CCDC91: variants seen among roughly 807,000 people sequenced by gnomAD.
The protein encoded by CCDC91 is coiled-coil domain-containing protein 91.
CCDC91 carries 48 observed loss-of-function variants against 63.2 expected under a neutral mutation model. The ratio of observed to expected loss-of-function variants is 0.76; its 90% confidence interval spans 0.60 to 0.97. The LOEUF is 0.97. Among genes scored for constraint, CCDC91 ranks in the 50% least tolerant of loss-of-function variants. The pLI is 0.00. For synonymous variants in CCDC91, 167 were observed against 165.8 expected (o/e 1.01, Z -0.06); for missense variants, 500 against 494.6 (o/e 1.01, Z -0.10).
intron 8 of CCDC91, among the ~76,000 whole-genome samples, chr12:28,392,547 T>C (rs775493849): frequency 2.6e-5 from 4 of 152,214 alleles, no homozygotes; most frequent in Non-Finnish European, 5.9e-5. Context: ...TTTCAATTTA[T>C]ATCCACATGG....
intron 1 of CCDC91, among the ~76,000 whole-genome samples, chr12:28,217,787 C>T (rs895441449): frequency 6.6e-6 from 1 of 151,734 alleles, no homozygotes; most frequent in Non-Finnish European, 1.5e-5. Context: ...AGTTTGGATG[C>T]AGGGTGGTGG....
At chr12:28,236,919 A>C (rs1218357946) in intron 1 of CCDC91, 1 of 152,030 alleles carries the variant, frequency 6.6e-6, no homozygotes, top group Non-Finnish European at 1.5e-5. Flanking sequence ...AATTTGTTCA[A>C]ATCTCTATCT....
intron 3 of CCDC91, among the ~76,000 whole-genome samples, chr12:28,298,764 G>T (rs1447880364): frequency 7.2e-6 from 1 of 139,444 alleles, no homozygotes; most frequent in African/African-American, 2.6e-5. Context: ...AAAAAATTGT[G>T]TGTGCTTGTG....
At chr12:28,373,142 A>AT (rs1944726942) in intron 7 of CCDC91, among the ~76,000 whole-genome samples, 2 of 152,250 alleles carry the variant, frequency 1.3e-5, no homozygotes, top group Admixed American at 1.3e-4. Context: ...TTGTTCGTTG[A>AT]TTTTAGTACT....
intron 8 of CCDC91, among the ~76,000 whole-genome samples, chr12:28,435,284 A>G (rs1592666267): frequency 1.3e-5 from 2 of 151,682 alleles, no homozygotes; most frequent in South Asian, 2.1e-4. Context: ...AGTACCTCCC[A>G]CAAATTTTGA....
intron 3 of CCDC91, among the ~76,000 whole-genome samples, chr12:28,278,528 A>G (rs972399792): frequency 1.3e-5 from 2 of 152,056 alleles, no homozygotes; most frequent in Non-Finnish European, 2.9e-5. Flanking sequence ...TTCGCACTTA[A>G]TAAAATCACT....
Position 28,391,390 on chromosome 12 carries a change from T to A in CCDC91, c.741T>A (p.Cys247Ter), listed in dbSNP as rs1260022495. 2 of 1,609,132 alleles carry A rather than the reference T, an allele frequency of 1.2e-6. No individual in the cohort carries two copies. The highest frequency in any genetic ancestry group is 1.7e-6 in the Non-Finnish European group (2 of 1,175,656). ...CAATTGAGAAACAGGCACACAAGTG[T>A]GAGGAGTTGCTAAATGCTCAGGTAA... ...ISAIEKQAHK[C>*]EELLNAQHQR... The change falls in exon 8 of 13, where the codon TGT becomes TGA. Residue 247 changes from cysteine to a stop codon, truncating the protein, a stop_gained. Coordinates refer to ENST00000536442, the MANE Select transcript of CCDC91 (RefSeq NM_018318.5). LOFTEE classifies it high-confidence loss of function.
At chr12:28,507,651 A>G (rs1288582927) in intron 12 of CCDC91, among the ~76,000 whole-genome samples, 7 of 151,936 alleles carry the variant, frequency 4.6e-5, no homozygotes, top group Non-Finnish European at 2.9e-5. Context: ...GTTCTTCCTA[A>G]TTCCTTCCAG....
chr12:28,221,218 G>A (rs1279978626), intron 1 of CCDC91, among the ~76,000 whole-genome samples: 1 of 151,738 alleles, frequency 6.6e-6, no homozygotes, highest in Non-Finnish European at 1.5e-5. Flanking sequence ...TTGTTTCAAA[G>A]TTCTCCTCTG....
intron 12 of CCDC91, among the ~76,000 whole-genome samples, chr12:28,532,308 G>A (rs1293367596): frequency 6.6e-6 from 1 of 152,098 alleles, no homozygotes; most frequent in African/African-American, 2.4e-5. Context: ...CTAGTGAAAT[G>A]TGGATTTACA....
At chr12:28,269,271 T>C (rs893095755) in intron 3 of CCDC91, among the ~76,000 whole-genome samples, 13 of 152,140 alleles carry the variant, frequency 8.5e-5, no homozygotes, top group African/African-American at 2.9e-4. Context: ...TTTGTGGTAC[T>C]TCCTCTTTGT....
chr12:28,392,024 T>C (rs1303714659), intron 8 of CCDC91, among the ~76,000 whole-genome samples: 3 of 151,494 alleles, frequency 2.0e-5, no homozygotes, highest in Admixed American at 6.6e-5. Context: ...TGTTATATCA[T>C]TGGAAGAAAA....
At chr12:28,449,729 A>G (rs1289017966) in intron 8 of CCDC91, among the ~76,000 whole-genome samples, 2 of 152,016 alleles carry the variant, frequency 1.3e-5, no homozygotes, top group African/African-American at 4.8e-5. Flanking sequence ...ATGCCTTACT[A>G]GGAACACAAA....
intron 8 of CCDC91, among the ~76,000 whole-genome samples, chr12:28,394,092 T>G (rs1946117744): frequency 6.6e-6 from 1 of 152,240 alleles, no homozygotes. Context: ...GTTTGTTGAT[T>G]GGATATACTT....
intron 7 of CCDC91, among the ~76,000 whole-genome samples, chr12:28,378,669 T>C (rs1301952196): frequency 6.6e-6 from 1 of 152,128 alleles, no homozygotes; most frequent in African/African-American, 2.4e-5. Flanking sequence ...TAGTTTCAGT[T>C]ATTTGATTGA....
chr12:28,277,852 C>A (rs180804479), intron 3 of CCDC91, among the ~76,000 whole-genome samples: 1 of 151,988 alleles, frequency 6.6e-6, no homozygotes, highest in Non-Finnish European at 1.5e-5. Context: ...TCTTTTGTCT[C>A]TCTTTCAAGG....
chr12:28,444,252 A>C (rs1424057344), intron 8 of CCDC91, among the ~76,000 whole-genome samples: 2 of 152,174 alleles, frequency 1.3e-5, no homozygotes, highest in Non-Finnish European at 2.9e-5. Flanking sequence ...TTTCTATCAC[A>C]ATTTTTAAAT....
intron 7 of CCDC91, among the ~76,000 whole-genome samples, chr12:28,366,136 CCTA>C (rs1317918513): frequency 6.6e-6 from 1 of 151,726 alleles, no homozygotes; most frequent in Non-Finnish European, 1.5e-5. Context: ...TTATATTTTT[CCTA>C]CTTAGTACAG....
Position 28,201,834 on chromosome 12 carries a change from C to T in CCDC91, c.-15+11193C>T, listed in dbSNP as rs1290930020. Reference sequence around the variant, plus strand: ...CGCGGCTAGGAGCTGGAGACCAGCCCGGCCAACACAGCGAAACCCCGTCTC... The same window carrying T: ...CGCGGCTAGGAGCTGGAGACCAGCCTGGCCAACACAGCGAAACCCCGTCTC... On this transcript the variant is annotated intron_variant, in intron 1 of 12. Transcript: ENST00000536442. Among the ~76,000 whole-genome samples, 9 of 144,574 alleles carry T rather than the reference C, an allele frequency of 6.2e-5. No individual in the cohort carries two copies. In the South Asian group the frequency reaches 8.7e-4, roughly 14 times the overall value. 94.8% of individuals were successfully genotyped at this position (144,574 alleles called of 152,430 possible).
Sources: gnomAD v4.1 joint callset for allele counts (sites outside exome capture counted in the v4.1 genomes callset) on GRCh38, gnomAD v4.1.1 for gene constraint, MANE v1.5 for transcripts, NCBI Gene and HGNC (gene_info 2026-07-23, HGNC 2026-07-21) for gene names.